The following DSN1 variants were observed in gnomAD, a reference collection of about 807,000 sequenced individuals.
DSN1 encodes the protein kinetochore-associated protein DSN1 homolog.
A neutral mutation model predicts 45.7 loss-of-function variants in DSN1; 31 were observed. The observed-to-expected ratio is 0.68, with a 90% CI of 0.51 to 0.92. DSN1 has a LOEUF of 0.92. Ranked by LOEUF, DSN1 falls within the 40% of genes least tolerant of loss-of-function variation. The pLI, the probability that DSN1 is intolerant of heterozygous loss-of-function variation, is 0.00. For synonymous variants in DSN1, 134 were observed against 142.3 expected, an observed-to-expected ratio of 0.94 and a Z score of 0.41; for missense variants, 394 against 414.2, an observed-to-expected ratio of 0.95 and a Z score of 0.42.
At chr20:36,755,633 A>G (rs1568687918) in intron 9 of DSN1, 49 bp downstream of exon 9, 2 of 1,585,954 alleles carry the variant, frequency 1.3e-6, no homozygotes, top group African/African-American at 2.7e-5. Flanking sequence ...CAAGGATTAC[A>G]AGGTGGCAAA....
intron 8 of DSN1, 127 bp downstream of exon 8, chr20:36,757,960 A>G (rs1986766229): frequency 1.1e-6 from 1 of 876,948 alleles, no homozygotes. Context: ...TACACACTAC[A>G]GAATTTGATG....
chr20:36,773,494 G>A lies in DSN1; in HGVS notation c.-16+168C>T, dbSNP rs556458385. ...GTTTCATTTCACCCGGGAGGAGGTC[G>A]CAGCGCCCTCGGGGACCCCCAGTGT... is the stretch of plus-strand genomic sequence containing the variant. On this transcript the variant is annotated intron_variant, in intron 1 of 10. Transcript: ENST00000373750. The A allele has an allele frequency of 3.0e-6, 3 of 985,688 alleles. No homozygotes were observed. In the South Asian group the frequency reaches 1.4e-4, roughly 46 times the overall value. 61.1% of individuals were successfully genotyped at this position (985,688 alleles called of 1,614,324 possible). A position where few individuals can be genotyped will look rare whatever the true frequency, so the allele number is the denominator to read the frequency against.
chr20:36,771,391 G>A (rs1007332979), intron 2 of DSN1, 34 bp downstream of exon 2: 3 of 1,606,970 alleles, frequency 1.9e-6, no homozygotes, highest in African/African-American at 2.7e-5. Flanking sequence ...CTGAACCCAA[G>A]GTAAGAGGTA....
At chr20:36,758,407 T>TAAA in intron 7 of DSN1, 151 bp downstream of exon 7, 3 of 732,360 alleles carry the variant, frequency 4.1e-6, no homozygotes, top group Non-Finnish European at 6.7e-6. Flanking sequence ...GTAGAGTCCA[T>TAAA]AAAAATCTCA....
chr20:36,765,820 C>A (rs1601019448), intron 5 of DSN1, among the ~76,000 whole-genome samples: 4 of 121,648 alleles, frequency 3.3e-5, no homozygotes, highest in South Asian at 2.8e-4. Context: ...AAATTCATTA[C>A]ATTATTTACT....
chr20:36,763,370 A>C (rs1244699498), intron 5 of DSN1, among the ~76,000 whole-genome samples: 1 of 144,062 alleles, frequency 6.9e-6, no homozygotes, highest in East Asian at 2.1e-4. Flanking sequence ...GTGCCACTGC[A>C]CACCAGCCCG....
At chr20:36,758,032 C>T in intron 8 of DSN1, 55 bp downstream of exon 8, 1 of 1,502,180 alleles carries the variant, frequency 6.7e-7, no homozygotes, top group Non-Finnish European at 9.2e-7. Context: ...CTGAAATAAA[C>T]ACCAATCAAA....
intron 3 of DSN1, among the ~76,000 whole-genome samples, chr20:36,768,576 C>A (rs563391171): frequency 3.3e-5 from 5 of 152,296 alleles, no homozygotes; most frequent in South Asian, 4.1e-4. Context: ...AGGGTTTCCC[C>A]ATGTTGGCCA....
At chr20:36,766,907 C>A (rs1026332151) in intron 4 of DSN1, 66 bp from the exon 5 acceptor site, 2 of 1,093,842 alleles carry the variant, frequency 1.8e-6, no homozygotes, top group Non-Finnish European at 1.3e-6. Flanking sequence ...AAATTTATGT[C>A]ATTTTATGAT....
At chr20:36,765,348 G>A (rs947846201) in intron 5 of DSN1, among the ~76,000 whole-genome samples, 3 of 151,824 alleles carry the variant, frequency 2.0e-5, no homozygotes, top group Non-Finnish European at 4.4e-5. Flanking sequence ...CTGAGGTCGG[G>A]AGTTCGAGAC....
intron 5 of DSN1, among the ~76,000 whole-genome samples, chr20:36,765,446 T>C (rs562121747): frequency 2.6e-5 from 4 of 152,044 alleles, no homozygotes; most frequent in Non-Finnish European, 4.4e-5. Context: ...TCCCAGCTAC[T>C]AGGGAGGCTG....
rs912872807 is a variant in DSN1 at position 36,752,700 on chromosome 20, C to T, written c.*88G>A. On this transcript the variant is annotated 3_prime_UTR_variant, in exon 11 of 11. Transcript: ENST00000373750. ...TCCTGCCAGTTATCTTCAAAGGCAA[C>T]GAGCAGAAATCACGCAGTCACCACG... The T allele has an allele frequency of 3.9e-5, 42 of 1,063,454 alleles. No individual in the cohort carries two copies. Among genetic ancestry groups the T allele is most frequent in the South Asian group, 8.0e-5 (6 of 74,606 alleles). The allele number at this position is 1,063,454 out of a possible 1,614,324, so 65.9% of individuals were successfully genotyped here. A position where few individuals can be genotyped will look rare whatever the true frequency, so the allele number is the denominator to read the frequency against.
At chr20:36,771,968 C>T (rs1354483122) in intron 1 of DSN1, among the ~76,000 whole-genome samples, 1 of 152,224 alleles carries the variant, frequency 6.6e-6, no homozygotes, top group African/African-American at 2.4e-5. Context: ...GCAACCTCCT[C>T]CTCCCCAGTT....
intron 5 of DSN1, among the ~76,000 whole-genome samples, chr20:36,765,548 C>T (rs1356681070): frequency 6.6e-6 from 1 of 151,818 alleles, no homozygotes; most frequent in Non-Finnish European, 1.5e-5. Context: ...AGGTGGCTCA[C>T]GCCTGTAATC....
intron 7 of DSN1, among the ~76,000 whole-genome samples, 165 bp downstream of exon 7, chr20:36,758,393 A>AT (rs1302019497): frequency 6.6e-6 from 1 of 152,248 alleles, no homozygotes; most frequent in East Asian, 1.9e-4. Context: ...GAAATTGATC[A>AT]TTAGTAGAGT....
intron 5 of DSN1, among the ~76,000 whole-genome samples, chr20:36,763,367 T>A (rs1987109130): frequency 8.6e-6 from 1 of 116,590 alleles, no homozygotes; most frequent in Admixed American, 1.3e-4. Context: ...ACGGTGCCAC[T>A]GCACACCAGC....
At chr20:36,765,854 A>C (rs1455551659) in intron 5 of DSN1, among the ~76,000 whole-genome samples, 1 of 151,478 alleles carries the variant, frequency 6.6e-6, no homozygotes, top group Non-Finnish European at 1.5e-5. Flanking sequence ...ACTAAAAAAA[A>C]AAAAAAAAAC....
rs555265982 is a variant in DSN1, at chr20:36,763,357, A to G, written c.503-809T>C. ...GAGGCAGAGGTTGCAGTGAGCTGAG[A>G]CGGTGCCACTGCACACCAGCCCGGG... On this transcript the variant is annotated intron_variant, in intron 5 of 10. Coordinates refer to ENST00000373750, the MANE Select transcript of DSN1 (RefSeq NM_001145315.2). Among the ~76,000 whole-genome samples the G allele has an allele frequency of 3.9e-5, 5 of 128,574 alleles. No individual in the cohort carries two copies. In the Admixed American group the frequency reaches 5.1e-4, roughly 13 times the overall value. 84.3% of individuals were successfully genotyped at this position (128,574 alleles called of 152,430 possible).
In DSN1 at chr20:36,769,171, C is replaced by T. The variant is rs559450632; in HGVS notation, c.356-1129G>A. ...CTAACCAATCGCAAGATGTAGATACCGTTTTTTAAAATTATGTCCACTTGT... is the reference window on the plus strand; with the variant it reads ...CTAACCAATCGCAAGATGTAGATACTGTTTTTTAAAATTATGTCCACTTGT... On this transcript the variant is annotated intron_variant, in intron 3 of 10. Coordinates refer to ENST00000373750, the MANE Select transcript of DSN1 (RefSeq NM_001145315.2). 6.6e-5 allele frequency among the ~76,000 whole-genome samples: 10 copies of T among 152,180 alleles called. No homozygotes were observed. The East Asian group carries it at 1.2e-3, about 18-fold the overall frequency.
Sources: allele counts gnomAD v4.1 joint callset (sites outside exome capture counted in the v4.1 genomes callset), GRCh38; gene constraint gnomAD v4.1.1; transcripts MANE v1.5; gene names NCBI Gene and HGNC (gene_info 2026-07-23, HGNC 2026-07-21).